The following AGBL4 variants were observed in gnomAD, a reference collection of about 807,000 sequenced individuals.
AGBL4 encodes the protein AGBL carboxypeptidase 4, also known as cytosolic carboxypeptidase 6.
A neutral mutation model predicts 66.4 loss-of-function variants in AGBL4; 58 were observed. The ratio of observed to expected loss-of-function variants is 0.87; its 90% CI spans 0.71 to 1.09. AGBL4 has a LOEUF of 1.09. Ranked by LOEUF, AGBL4 falls within the 50% of genes least tolerant of loss-of-function variation. The probability of loss-of-function intolerance (pLI) is 0.00; values close to 1 mark genes in which losing one functional copy is unlikely to be tolerated. For synonymous variants in AGBL4, 234 were observed against 222.9 expected, an observed-to-expected ratio of 1.05 and a Z score of -0.44; for missense variants, 579 against 631.0, an observed-to-expected ratio of 0.92 and a Z score of 0.88.
chr1:49,376,735 T>A (rs1644480022), intron 3 of AGBL4, among the ~76,000 whole-genome samples: 1 of 152,096 alleles, frequency 6.6e-6, no homozygotes, highest in African/African-American at 2.4e-5. Context: ...TTAGAGGGGA[T>A]CTTCCCAGAA....
chr1:49,085,241 T>C (rs1021171055), intron 4 of AGBL4, among the ~76,000 whole-genome samples: 1 of 151,122 alleles, frequency 6.6e-6, no homozygotes, highest in Non-Finnish European at 1.5e-5. Context: ...GGTTCTTAGC[T>C]CTCGGATTTA....
intron 3 of AGBL4, among the ~76,000 whole-genome samples, chr1:49,563,477 C>T (rs531152405): frequency 4.6e-5 from 7 of 152,186 alleles, no homozygotes; most frequent in South Asian, 2.1e-4. Context: ...TTTTGAGATA[C>T]GTCCCATCAG....
chr1:49,742,931 C>T (rs1650645205), intron 2 of AGBL4, among the ~76,000 whole-genome samples: 1 of 152,250 alleles, frequency 6.6e-6, no homozygotes, highest in East Asian at 1.9e-4. Context: ...AATGTTAGAC[C>T]TAAAACCATA....
At chr1:49,834,653 A>C (rs530096029) in intron 2 of AGBL4, among the ~76,000 whole-genome samples, 34 of 152,024 alleles carry the variant, frequency 2.2e-4, no homozygotes, top group African/African-American at 8.0e-4. Context: ...TAGTTCTTTT[A>C]ATTGTTATGT....
chr1:49,707,109 C>T (rs1214388863), intron 2 of AGBL4, among the ~76,000 whole-genome samples: 1 of 152,048 alleles, frequency 6.6e-6, no homozygotes, highest in Non-Finnish European at 1.5e-5. Flanking sequence ...TATTAATTTT[C>T]TGTCTCGTTG....
rs550151607 is a variant in AGBL4 at position 49,115,819 on chromosome 1, T to C, written c.378-70019A>G. ...CAGATAAATCTTACAATCTCTACTG[T>C]GACAGTCATGACCCATTGACATTGC... On this transcript the variant is annotated intron_variant, in intron 4 of 13. Coordinates refer to ENST00000371839, the MANE Select transcript of AGBL4 (RefSeq NM_032785.4). 2.4e-4 allele frequency among the ~76,000 whole-genome samples: 37 copies of C among 152,282 alleles called. No individual in the cohort carries two copies. The East Asian group carries it at 4.6e-3, about 19-fold the overall frequency.
intron 3 of AGBL4, among the ~76,000 whole-genome samples, chr1:49,591,642 C>A (rs1398444093): frequency 6.6e-6 from 1 of 151,980 alleles, no homozygotes; most frequent in Non-Finnish European, 1.5e-5. Flanking sequence ...CAATTCTAAG[C>A]AAAAATAACA....
intron 3 of AGBL4, among the ~76,000 whole-genome samples, chr1:49,661,056 C>A (rs962122464): frequency 1.3e-5 from 2 of 152,054 alleles, no homozygotes; most frequent in Non-Finnish European, 2.9e-5. Context: ...CCATGGCACA[C>A]ATTTACCTAT....
intron 2 of AGBL4, among the ~76,000 whole-genome samples, chr1:49,810,609 C>T (rs1645077666): frequency 1.3e-5 from 2 of 151,880 alleles, no homozygotes; most frequent in Admixed American, 6.6e-5. Context: ...GAAAAAACAG[C>T]AAAAAACATG....
intron 3 of AGBL4, among the ~76,000 whole-genome samples, chr1:49,260,672 T>C (rs1401577597): frequency 8.6e-5 from 13 of 151,990 alleles, no homozygotes; most frequent in Non-Finnish European, 1.8e-4. Context: ...ATCAATAACT[T>C]ACCAACCAAA....
chr1:49,796,123 A>G (rs567477428), intron 2 of AGBL4, among the ~76,000 whole-genome samples: 1 of 152,090 alleles, frequency 6.6e-6, no homozygotes, highest in African/African-American at 2.4e-5. Flanking sequence ...AAAGATATGA[A>G]CAGGTAATTC....
Position 48,607,342 on chromosome 1 carries a change from G to A in AGBL4, c.952-16357C>T, listed in dbSNP as rs1645168837. On this transcript the variant is annotated intron_variant, in intron 9 of 13. Coordinates refer to ENST00000371839, the MANE Select transcript of AGBL4 (RefSeq NM_032785.4). ...ATAGAAAGTCTATTGAGCAGGCCAGGTGCGGTAGTTCACTCCTGTAATCCC... is the reference window on the plus strand; with the variant it reads ...ATAGAAAGTCTATTGAGCAGGCCAGATGCGGTAGTTCACTCCTGTAATCCC... Among the ~76,000 whole-genome samples the A allele has an allele frequency of 2.6e-5, 4 of 152,158 alleles. No homozygotes were observed. In the South Asian group the frequency reaches 8.3e-4, roughly 32 times the overall value.
At chr1:48,598,526 C>T (rs1043380179) in intron 9 of AGBL4, among the ~76,000 whole-genome samples, 2 of 151,928 alleles carry the variant, frequency 1.3e-5, no homozygotes, top group Admixed American at 6.6e-5. Context: ...CCTGTAATCC[C>T]GGCACTTTAG....
intron 2 of AGBL4, among the ~76,000 whole-genome samples, chr1:49,779,308 C>T (rs1418549008): frequency 2.6e-5 from 4 of 152,118 alleles, no homozygotes; most frequent in Non-Finnish European, 2.9e-5. Flanking sequence ...CTGAAAGTAA[C>T]AATCAAGGCT....
chr1:49,030,121 A>G (rs1467546970), intron 5 of AGBL4, among the ~76,000 whole-genome samples: 1 of 152,138 alleles, frequency 6.6e-6, no homozygotes, highest in Admixed American at 6.5e-5. Flanking sequence ...GATACATGCT[A>G]TGGACTGAAT....
chr1:49,786,786 C>A (rs559066449), intron 2 of AGBL4, among the ~76,000 whole-genome samples: 1 of 152,086 alleles, frequency 6.6e-6, no homozygotes, highest in East Asian at 1.9e-4. Flanking sequence ...CTATAGGTAT[C>A]AAGAAAAAAA....
chr1:48,742,066 G>C (rs1331170122), intron 6 of AGBL4, among the ~76,000 whole-genome samples: 1 of 152,160 alleles, frequency 6.6e-6, no homozygotes, highest in Non-Finnish European at 1.5e-5. Context: ...AGTTCTATAA[G>C]GTCCTAGGAC....
At chr1:49,848,218 G>C (rs1369490598) in intron 2 of AGBL4, among the ~76,000 whole-genome samples, 2 of 152,092 alleles carry the variant, frequency 1.3e-5, no homozygotes, top group Non-Finnish European at 2.9e-5. Flanking sequence ...ATTTTTCTAA[G>C]AACTAAAAAT....
At chr1:48,721,956 C>T (rs1254179417) in intron 6 of AGBL4, among the ~76,000 whole-genome samples, 1 of 152,036 alleles carries the variant, frequency 6.6e-6, no homozygotes, top group Non-Finnish European at 1.5e-5. Context: ...AAACAGAAAC[C>T]AAGAGGCTAA....
Sources: allele counts gnomAD v4.1 joint callset (sites outside exome capture counted in the v4.1 genomes callset), GRCh38; gene constraint gnomAD v4.1.1; transcripts MANE v1.5; gene names NCBI Gene and HGNC (gene_info 2026-07-23, HGNC 2026-07-21).